C8orf34: variants seen among roughly 807,000 people sequenced by gnomAD.
The protein encoded by C8orf34 is uncharacterized protein C8orf34.
Under a neutral mutation model 68.3 loss-of-function variants are expected in C8orf34, and 65 were observed. The observed-to-expected ratio is 0.95, with a 90% CI of 0.78 to 1.17. C8orf34 has a LOEUF of 1.17. Among genes scored for constraint, C8orf34 ranks in the 50% most tolerant of loss-of-function variants. C8orf34 has a pLI of 0.00. For missense variants in C8orf34, 664 were observed against 655.4 expected, an observed-to-expected ratio of 1.01 and a Z score of -0.14; for synonymous variants, 244 against 241.2, an observed-to-expected ratio of 1.01 and a Z score of -0.11.
At chr8:68,787,162 G>C (rs1823867373) in intron 11 of C8orf34, among the ~76,000 whole-genome samples, 1 of 152,152 alleles carries the variant, frequency 6.6e-6, no homozygotes, top group South Asian at 2.1e-4. Context: ...CCAAGAATGA[G>C]TGTCAACATT....
At chr8:68,792,659 A>G (rs1347161904) in intron 12 of C8orf34, 1 of 151,530 alleles carries the variant, frequency 6.6e-6, no homozygotes, top group Non-Finnish European at 1.5e-5. Context: ...AAAGTAAGGA[A>G]AAAGACAAAG....
chr8:68,485,503 G>A (rs981309923), intron 4 of C8orf34, among the ~76,000 whole-genome samples: 1 of 152,008 alleles, frequency 6.6e-6, no homozygotes, highest in Non-Finnish European at 1.5e-5. Context: ...CACGAGGTCA[G>A]GAGTTTGAGA....
intron 12 of C8orf34, among the ~76,000 whole-genome samples, chr8:68,805,323 G>T (rs1163949806): frequency 6.6e-6 from 1 of 152,186 alleles, no homozygotes; most frequent in African/African-American, 2.4e-5. Context: ...CTGTTGTTGG[G>T]TGGAGTTTTC....
intron 8 of C8orf34, among the ~76,000 whole-genome samples, chr8:68,694,744 C>T (rs956310457): frequency 1.3e-5 from 2 of 152,020 alleles, no homozygotes; most frequent in Non-Finnish European, 2.9e-5. Context: ...ATTTGTTTAA[C>T]ATTCTGGATC....
At chr8:68,339,344 A>T (rs1805979364) in intron 1 of C8orf34, among the ~76,000 whole-genome samples, 1 of 152,008 alleles carries the variant, frequency 6.6e-6, no homozygotes, top group South Asian at 2.1e-4. Context: ...TAGGTAATCA[A>T]TTACATATTT....
intron 8 of C8orf34, among the ~76,000 whole-genome samples, chr8:68,647,629 A>G (rs1339916535): frequency 6.6e-6 from 1 of 152,200 alleles, no homozygotes; most frequent in Non-Finnish European, 1.5e-5. Context: ...TCAGGGAGAG[A>G]GAAATTAGGG....
At chr8:68,541,096 A>G (rs1563519070) in intron 7 of C8orf34, among the ~76,000 whole-genome samples, 2 of 152,150 alleles carry the variant, frequency 1.3e-5, no homozygotes, top group South Asian at 4.1e-4. Context: ...ATTAATAACA[A>G]TACTCATATC....
At chr8:68,784,648 T>C (rs73683725) in intron 11 of C8orf34, among the ~76,000 whole-genome samples, 14,883 of 152,284 alleles carry the variant, frequency 0.098, 905 homozygotes, top group African/African-American at 0.17. Context: ...TTTATCTATA[T>C]GGACTTACAG....
At chr8:68,447,020 G>C (rs1811153724) in intron 3 of C8orf34, 1 of 152,626 alleles carries the variant, frequency 6.6e-6, no homozygotes, top group Non-Finnish European at 1.5e-5. Flanking sequence ...AAGAAAAAAG[G>C]TTTATTTGGC....
At chr8:68,743,656 G>A (rs367896772) in intron 10 of C8orf34, among the ~76,000 whole-genome samples, 14 of 152,214 alleles carry the variant, frequency 9.2e-5, no homozygotes, top group African/African-American at 2.7e-4. Flanking sequence ...ACTCCCACCC[G>A]AATACTGCGC....
chr8:68,627,189 G>C (rs1024437639), intron 7 of C8orf34, among the ~76,000 whole-genome samples: 1 of 151,900 alleles, frequency 6.6e-6, no homozygotes, highest in South Asian at 2.1e-4. Flanking sequence ...GCCTTCTCCA[G>C]GTCGACACTC....
chr8:68,781,422 T>C (rs1279965130), intron 11 of C8orf34, among the ~76,000 whole-genome samples: 1 of 152,198 alleles, frequency 6.6e-6, no homozygotes, highest in East Asian at 1.9e-4. Flanking sequence ...TGAAAGTGTT[T>C]TAGAAAAAGA....
chr8:68,651,794 T>G (rs1163298547), intron 8 of C8orf34, among the ~76,000 whole-genome samples: 1 of 152,084 alleles, frequency 6.6e-6, no homozygotes, highest in African/African-American at 2.4e-5. Context: ...AATTACCTAT[T>G]GGGTACAATA....
intron 10 of C8orf34, among the ~76,000 whole-genome samples, chr8:68,746,176 T>C (rs988074184): frequency 1.1e-4 from 17 of 152,054 alleles, no homozygotes; most frequent in African/African-American, 3.9e-4. Flanking sequence ...AAAGATGTTC[T>C]TTGAAACCAA....
chr8:68,569,963 C>A lies in C8orf34; in HGVS notation c.1105+36814C>A, dbSNP rs547689925. Among the ~76,000 whole-genome samples the A allele has an allele frequency of 2.6e-5, 4 of 152,340 alleles. No homozygotes were observed. The South Asian group carries it at 8.3e-4, about 32-fold the overall frequency. On this transcript the variant is annotated intron_variant, in intron 7 of 13. Coordinates refer to ENST00000518698, the MANE Select transcript of C8orf34 (RefSeq NM_052958.4). ...ATCGATGAAGTCCCAGCACCAAAGT[C>A]TCTCTTCAGGCTGCTCTTTGATTTC...
intron 3 of C8orf34, among the ~76,000 whole-genome samples, chr8:68,460,432 A>C (rs111655397): frequency 6.6e-6 from 1 of 152,340 alleles, no homozygotes; most frequent in African/African-American, 2.4e-5. Flanking sequence ...AGCTTTGAAG[A>C]GAGCAGTGGT....
intron 7 of C8orf34, among the ~76,000 whole-genome samples, chr8:68,614,619 G>C (rs1424021631): frequency 6.6e-6 from 1 of 152,078 alleles, no homozygotes; most frequent in Non-Finnish European, 1.5e-5. Context: ...TGTTATTTCT[G>C]AGGGCTCTGT....
chr8:68,611,408 T>A (rs1176900427), intron 7 of C8orf34, among the ~76,000 whole-genome samples: 1 of 152,156 alleles, frequency 6.6e-6, no homozygotes, highest in Non-Finnish European at 1.5e-5. Context: ...TTGGGTAAAA[T>A]ACTTTGATTT....
chr8:68,546,422 A>G (rs895651920), intron 7 of C8orf34, among the ~76,000 whole-genome samples: 1 of 151,996 alleles, frequency 6.6e-6, no homozygotes, highest in Non-Finnish European at 1.5e-5. Context: ...GATAAAAAGT[A>G]TATTCAATAG....
Sources: gnomAD v4.1 joint callset for allele counts (sites outside exome capture counted in the v4.1 genomes callset) on GRCh38, gnomAD v4.1.1 for gene constraint, MANE v1.5 for transcripts, NCBI Gene and HGNC (gene_info 2026-07-23, HGNC 2026-07-21) for gene names.